The following CNTNAP5 variants were observed in gnomAD, a reference collection of about 807,000 sequenced individuals.
CNTNAP5 encodes contactin associated protein family member 5, also known as contactin-associated protein-like 5.
In CNTNAP5, 72 loss-of-function variants were observed where a neutral mutation model predicts 150.2. That is an observed-to-expected ratio of 0.48 (90% confidence interval 0.40 to 0.58). The LOEUF is 0.58. Ranked by LOEUF, CNTNAP5 falls within the 20% of genes least tolerant of loss-of-function variation. The pLI, the probability that CNTNAP5 is intolerant of heterozygous loss-of-function variation, is 0.00. For synonymous variants in CNTNAP5, 672 were observed against 619.8 expected, an observed-to-expected ratio of 1.08 and a Z score of -1.25; for missense variants, 1,636 against 1,626.2, an observed-to-expected ratio of 1.01 and a Z score of -0.10.
In CNTNAP5 at chr2:124,356,978, G is replaced by C. The variant is rs531495486; in HGVS notation, c.382-60465G>C. 7.2e-5 allele frequency among the ~76,000 whole-genome samples: 11 copies of C among 152,160 alleles called. 1 individual carries two copies. The South Asian group carries it at 2.3e-3, about 32-fold the overall frequency. ...TCCTCTCCAGCACCTGTTGTTTCCT[G>C]ACTTTTTAATGATTGCCATTCTAAC... On this transcript the variant is annotated intron_variant, in intron 3 of 23. Coordinates refer to ENST00000682447, the MANE Select transcript of CNTNAP5 (RefSeq NM_001367498.1).
chr2:124,697,765 C>T (rs1679434454), intron 13 of CNTNAP5, among the ~76,000 whole-genome samples: 1 of 152,194 alleles, frequency 6.6e-6, no homozygotes, highest in African/African-American at 2.4e-5. Flanking sequence ...TGTTAATATC[C>T]TTGCACAATT....
intron 11 of CNTNAP5, among the ~76,000 whole-genome samples, chr2:124,597,554 T>G (rs918468215): frequency 2.8e-4 from 42 of 151,146 alleles, no homozygotes; most frequent in African/African-American, 9.7e-4. Context: ...AACCCGAACT[T>G]TTTCTCTGGC....
intron 3 of CNTNAP5, among the ~76,000 whole-genome samples, chr2:124,305,233 G>T (rs1016560066): frequency 1.3e-5 from 2 of 150,734 alleles, no homozygotes; most frequent in African/African-American, 4.9e-5. Context: ...AGCTGAGATT[G>T]CACCACTGCA....
At chr2:124,610,497 T>A (rs541721038) in intron 12 of CNTNAP5, among the ~76,000 whole-genome samples, 4 of 151,628 alleles carry the variant, frequency 2.6e-5, no homozygotes, top group African/African-American at 9.7e-5. Flanking sequence ...AAAAGGTGAG[T>A]TTTTTCATTT....
At chr2:124,852,294 A>C (rs915514878) in intron 19 of CNTNAP5, among the ~76,000 whole-genome samples, 8 of 152,182 alleles carry the variant, frequency 5.3e-5, no homozygotes, top group African/African-American at 1.7e-4. Flanking sequence ...GGATATGGAG[A>C]CATTATTGTG....
intron 6 of CNTNAP5, among the ~76,000 whole-genome samples, chr2:124,456,900 A>G (rs563752454): frequency 4.3e-4 from 65 of 152,352 alleles, no homozygotes; most frequent in African/African-American, 1.5e-3. Context: ...CTCACACCAC[A>G]TAGAAAAGTC....
At chr2:124,210,538 G>A (rs1055403662) in intron 1 of CNTNAP5, among the ~76,000 whole-genome samples, 1 of 151,834 alleles carries the variant, frequency 6.6e-6, no homozygotes, top group Non-Finnish European at 1.5e-5. Flanking sequence ...TTTAGTTCAG[G>A]CTACCATTAT....
chr2:124,133,153 A>G (rs1023209365), intron 1 of CNTNAP5, among the ~76,000 whole-genome samples: 4 of 152,192 alleles, frequency 2.6e-5, no homozygotes, highest in African/African-American at 9.6e-5. Flanking sequence ...AATGCAAAAA[A>G]GGTAGTTGAG....
intron 22 of CNTNAP5, 98 bp from the exon 23 acceptor site, chr2:124,911,369 G>T (rs1678650996): frequency 1.2e-6 from 1 of 809,124 alleles, no homozygotes; most frequent in Non-Finnish European, 2.1e-6. Flanking sequence ...GGCACCTGGT[G>T]TAATGCACAG....
chr2:124,486,282 C>A lies in CNTNAP5; in HGVS notation c.1062+11400C>A, dbSNP rs553620068. On this transcript the variant is annotated intron_variant, in intron 7 of 23. Coordinates refer to ENST00000682447, the MANE Select transcript of CNTNAP5 (RefSeq NM_001367498.1). ...ATGCAAAGGTATAATCATAATAAAA[C>A]GGACTTTGGGGACTTGTGGGGAGGG... is the stretch of plus-strand genomic sequence containing the variant. Among the ~76,000 whole-genome samples, 59 of 152,108 alleles carry A rather than the reference C, an allele frequency of 3.9e-4. 1 individual carries two copies. In the South Asian group the frequency reaches 6.7e-3, roughly 17 times the overall value.
intron 11 of CNTNAP5, among the ~76,000 whole-genome samples, chr2:124,605,809 C>CAAAAAAAAAA (rs36090348): frequency 5.8e-5 from 2 of 34,420 alleles, no homozygotes; most frequent in Admixed American, 3.6e-4. Context: ...AAGACTCTGT[C>CAAAAAAAAAA]AAAAAAAAAA....
intron 19 of CNTNAP5, among the ~76,000 whole-genome samples, chr2:124,864,280 C>T (rs1185634105): frequency 2.0e-5 from 3 of 152,028 alleles, no homozygotes; most frequent in Non-Finnish European, 4.4e-5. Context: ...AGAGATGTTT[C>T]AATACATATA....
At chr2:124,574,790 C>T (rs182927546) in intron 11 of CNTNAP5, among the ~76,000 whole-genome samples, 459 of 152,216 alleles carry the variant, frequency 3.0e-3, no homozygotes, top group South Asian at 5.6e-3. Flanking sequence ...GTGTTCATTC[C>T]GATTCATGCA....
chr2:124,879,495 A>T (rs1179899128), intron 21 of CNTNAP5, among the ~76,000 whole-genome samples: 1 of 152,108 alleles, frequency 6.6e-6, no homozygotes, highest in Non-Finnish European at 1.5e-5. Context: ...TGTGTGTGGT[A>T]GTGAGATGGG....
intron 9 of CNTNAP5, among the ~76,000 whole-genome samples, chr2:124,525,881 C>T (rs1437592330): frequency 6.6e-6 from 1 of 152,190 alleles, no homozygotes; most frequent in Non-Finnish European, 1.5e-5. Context: ...GGCCATAGAG[C>T]TCATGAATTC....
chr2:124,557,049 A>G (rs1041294925), intron 10 of CNTNAP5, among the ~76,000 whole-genome samples: 3 of 151,970 alleles, frequency 2.0e-5, no homozygotes, highest in Admixed American at 2.0e-4. Context: ...CATCATGCAT[A>G]AGGGTTCTGC....
chr2:124,155,283 T>C (rs1268624184), intron 1 of CNTNAP5, among the ~76,000 whole-genome samples: 1 of 152,108 alleles, frequency 6.6e-6, no homozygotes, highest in Non-Finnish European at 1.5e-5. Context: ...TTCATTTTTA[T>C]GCTCTAAACG....
At chr2:124,469,703 G>A (rs1693457944) in intron 6 of CNTNAP5, among the ~76,000 whole-genome samples, 1 of 152,042 alleles carries the variant, frequency 6.6e-6, no homozygotes, top group African/African-American at 2.4e-5. Context: ...GCATCCATTA[G>A]CTATTCTTCC....
chr2:124,231,228 C>T (rs1686610371), intron 2 of CNTNAP5, among the ~76,000 whole-genome samples: 1 of 152,118 alleles, frequency 6.6e-6, no homozygotes, highest in African/African-American at 2.4e-5. Flanking sequence ...TACTGTGGAT[C>T]TTAGGGGTAG....
Sources: allele counts gnomAD v4.1 joint callset (sites outside exome capture counted in the v4.1 genomes callset), GRCh38; gene constraint gnomAD v4.1.1; transcripts MANE v1.5; gene names NCBI Gene and HGNC (gene_info 2026-07-23, HGNC 2026-07-21).